EXOC4: variants seen among roughly 807,000 people sequenced by gnomAD.
EXOC4 encodes the protein SEC8-like 1.
In EXOC4, 71 loss-of-function variants were observed where a neutral mutation model predicts 107.2. The observed-to-expected ratio is 0.66, with a 90% CI of 0.55 to 0.81. The LOEUF is 0.81. Ranked by LOEUF, EXOC4 falls within the 30% of genes least tolerant of loss-of-function variation. The probability of loss-of-function intolerance (pLI) is 0.00; values close to 1 mark genes in which losing one functional copy is unlikely to be tolerated. For missense variants in EXOC4, 1,108 were observed against 1,189.6 expected, an observed-to-expected ratio of 0.93 and a Z score of 1.01; for synonymous variants, 456 against 441.2, an observed-to-expected ratio of 1.03 and a Z score of -0.42.
chr7:133,561,740 C>T (rs1800807623), intron 9 of EXOC4, among the ~76,000 whole-genome samples: 2 of 152,204 alleles, frequency 1.3e-5, no homozygotes, highest in South Asian at 2.1e-4. Context: ...TCCCACATCC[C>T]AAAGCTGTGC....
intron 10 of EXOC4, among the ~76,000 whole-genome samples, chr7:133,788,866 A>T (rs925484661): frequency 6.6e-6 from 1 of 152,258 alleles, no homozygotes; most frequent in South Asian, 2.1e-4. Context: ...TTCAGGCTGT[A>T]TGGAGAATCT....
At chr7:133,462,929 G>C (rs1798629579) in intron 7 of EXOC4, among the ~76,000 whole-genome samples, 1 of 152,138 alleles carries the variant, frequency 6.6e-6, no homozygotes, top group African/African-American at 2.4e-5. Flanking sequence ...ATAATAATAA[G>C]ATAGAGGTTT....
chr7:133,850,677 A>G (rs1798224205), intron 11 of EXOC4, among the ~76,000 whole-genome samples: 1 of 151,004 alleles, frequency 6.6e-6, no homozygotes, highest in African/African-American at 2.4e-5. Flanking sequence ...TCCATTTTAT[A>G]TCACTCCAAC....
chr7:133,654,850 T>A (rs2430767), intron 10 of EXOC4, among the ~76,000 whole-genome samples: 1 of 152,164 alleles, frequency 6.6e-6, no homozygotes, highest in Admixed American at 6.5e-5. Context: ...AGCAGGTTAC[T>A]GTTCTGAACA....
intron 7 of EXOC4, among the ~76,000 whole-genome samples, chr7:133,445,629 A>AACAC (rs1294500496): frequency 1.3e-5 from 2 of 151,784 alleles, no homozygotes; most frequent in African/African-American, 4.8e-5. Flanking sequence ...CAAACAAACA[A>AACAC]ACAAACAAAC....
At chr7:133,458,112 C>A (rs1798505427) in intron 7 of EXOC4, among the ~76,000 whole-genome samples, 1 of 152,184 alleles carries the variant, frequency 6.6e-6, no homozygotes, top group Non-Finnish European at 1.5e-5. Flanking sequence ...CAAATATTTT[C>A]TGACTTTGAG....
chr7:133,427,759 C>A (rs551204429), intron 7 of EXOC4, among the ~76,000 whole-genome samples: 155 of 152,294 alleles, frequency 1.0e-3, no homozygotes, highest in South Asian at 1.7e-3. Context: ...CAAATATTTT[C>A]TTCTTGTATT....
At chr7:133,317,069 A>G (rs907998826) in intron 4 of EXOC4, among the ~76,000 whole-genome samples, 6 of 152,156 alleles carry the variant, frequency 3.9e-5, no homozygotes, top group Admixed American at 3.9e-4. Context: ...AAGTACTTGG[A>G]ACCCTTACAA....
At chr7:133,845,417 A>G (rs1354538859) in intron 11 of EXOC4, among the ~76,000 whole-genome samples, 5 of 147,864 alleles carry the variant, frequency 3.4e-5, no homozygotes, top group African/African-American at 9.8e-5. Context: ...TATTTTATAT[A>G]TATCTTATAT....
Position 133,521,380 on chromosome 7 carries a change from AAAAATACGTTCTTTT to A in EXOC4, c.1417+41246_1417+41260del, listed in dbSNP as rs1799976076. The stretch of plus-strand genomic sequence containing the variant: ...TGAGAATAATTCGTCTTATCTACTT[AAAAATACGTTCTTTT>A]AAACAATAAAAGTGGCTCTATCTAA... On this transcript the variant is annotated intron_variant, in intron 9 of 17. Coordinates refer to ENST00000253861, the MANE Select transcript of EXOC4 (RefSeq NM_021807.4). Among the ~76,000 whole-genome samples, 3 of 152,312 alleles carry A rather than the reference AAAAATACGTTCTTTT, an allele frequency of 2.0e-5. No homozygotes were observed. In the South Asian group the frequency reaches 6.2e-4, roughly 32 times the overall value.
At chr7:133,407,070 T>C (rs1797236741) in intron 7 of EXOC4, among the ~76,000 whole-genome samples, 1 of 152,186 alleles carries the variant, frequency 6.6e-6, no homozygotes, top group South Asian at 2.1e-4. Flanking sequence ...TTGTCCTTGC[T>C]AAGTCCAGCT....
intron 17 of EXOC4, among the ~76,000 whole-genome samples, chr7:134,042,882 C>G (rs1366333732): frequency 6.6e-6 from 1 of 152,136 alleles, no homozygotes; most frequent in African/African-American, 2.4e-5. Context: ...AGTAAACATG[C>G]AAAAATTAGC....
chr7:133,836,607 C>T (rs1039142591), intron 11 of EXOC4, among the ~76,000 whole-genome samples: 2 of 152,172 alleles, frequency 1.3e-5, no homozygotes, highest in Non-Finnish European at 2.9e-5. Context: ...AAAGGCAGAA[C>T]ACGTTTCACT....
At chr7:133,922,226 C>G (rs1414123304) in intron 13 of EXOC4, among the ~76,000 whole-genome samples, 1 of 152,120 alleles carries the variant, frequency 6.6e-6, no homozygotes, top group Non-Finnish European at 1.5e-5. Flanking sequence ...ACACTGTTCA[C>G]TTTTGTAAAC....
intron 7 of EXOC4, among the ~76,000 whole-genome samples, chr7:133,397,113 T>C (rs1796985311): frequency 9.6e-6 from 1 of 104,594 alleles, no homozygotes; most frequent in Non-Finnish European, 1.9e-5. Context: ...TGTTTGTTTT[T>C]GTTTCATTTG....
intron 1 of EXOC4, among the ~76,000 whole-genome samples, chr7:133,266,887 G>C (rs753720447): frequency 1.1e-4 from 16 of 152,166 alleles, no homozygotes; most frequent in Non-Finnish European, 2.1e-4. Flanking sequence ...AAAGGAACTG[G>C]AGTCCATATT....
intron 14 of EXOC4, among the ~76,000 whole-genome samples, chr7:133,994,802 A>G (rs1379801964): frequency 6.6e-6 from 1 of 151,834 alleles, no homozygotes; most frequent in Non-Finnish European, 1.5e-5. Flanking sequence ...TAGTAATCTC[A>G]TACCTTAACT....
chr7:133,597,946 G>C (rs997846401), intron 9 of EXOC4, among the ~76,000 whole-genome samples: 17 of 151,882 alleles, frequency 1.1e-4, no homozygotes, highest in East Asian at 3.9e-4. Flanking sequence ...TTGAACCTGG[G>C]AGGCTTCCGC....
At chr7:133,838,311 A>G (rs1294601781) in intron 11 of EXOC4, among the ~76,000 whole-genome samples, 1 of 152,192 alleles carries the variant, frequency 6.6e-6, no homozygotes, top group East Asian at 1.9e-4. Flanking sequence ...GAGTTAAAGT[A>G]GTTTTCACAT....
Sources: allele counts gnomAD v4.1 joint callset (sites outside exome capture counted in the v4.1 genomes callset), GRCh38; gene constraint gnomAD v4.1.1; transcripts MANE v1.5; gene names NCBI Gene and HGNC (gene_info 2026-07-23, HGNC 2026-07-21).